Variants in ARB2A observed in about 807,000 individuals in gnomAD.
ARB2A encodes ARB2 cotranscriptional regulator A.
chr5:93,687,924 G>A, the ARB2A span, among the ~76,000 whole-genome samples: 6 of 151,740 alleles, frequency 4.0e-5, no homozygotes, highest in Non-Finnish European at 8.8e-5. Context: ...CCTACTTCCA[G>A]GCAAAACCAA....
chr5:93,811,520 C>T, the ARB2A span, among the ~76,000 whole-genome samples: 12 of 151,980 alleles, frequency 7.9e-5, no homozygotes, highest in African/African-American at 1.7e-4. Context: ...CCCTGAAATA[C>T]GTGAAAAACC....
At chr5:93,741,504 G>A in the ARB2A span, 11 of 1,611,390 alleles carry the variant, frequency 6.8e-6, no homozygotes, top group Non-Finnish European at 9.3e-6. Context: ...GCCCTCTGGG[G>A]CCGCCCCCAC....
At chr5:94,003,521 T>C in the ARB2A span, among the ~76,000 whole-genome samples, 4 of 152,088 alleles carry the variant, frequency 2.6e-5, no homozygotes, top group Non-Finnish European at 5.9e-5. Flanking sequence ...AAATGTAGGA[T>C]ACAAGATAAA....
At chr5:93,881,587 T>C in the ARB2A span, 29 of 1,610,974 alleles carry the variant, frequency 1.8e-5, no homozygotes, top group Non-Finnish European at 2.3e-5. Context: ...GTTTTTCTGC[T>C]GGTTCATCTG....
At chr5:93,733,482 AGCCACT>A in the ARB2A span, 1 of 152,296 alleles carries the variant, frequency 6.6e-6, no homozygotes, top group South Asian at 2.1e-4. Flanking sequence ...TACAGGAGTG[AGCCACT>A]GCACCTGGCT....
At chr5:93,943,649 T>C in the ARB2A span, among the ~76,000 whole-genome samples, 1 of 152,192 alleles carries the variant, frequency 6.6e-6, no homozygotes, top group Admixed American at 6.5e-5. Flanking sequence ...GTTTGTCAAA[T>C]ACTTATGCTG....
At chr5:93,705,982 G>A in the ARB2A span, among the ~76,000 whole-genome samples, 3 of 152,148 alleles carry the variant, frequency 2.0e-5, no homozygotes, top group East Asian at 5.8e-4. Flanking sequence ...AAAACAGATT[G>A]ATAATTCCTC....
the ARB2A span, chr5:93,738,538 A>G: frequency 4.6e-5 from 7 of 152,254 alleles, no homozygotes; most frequent in African/African-American, 1.7e-4. Flanking sequence ...CCCATTGGCT[A>G]TTAATGAAAA....
the ARB2A span, among the ~76,000 whole-genome samples, chr5:93,818,375 T>C: frequency 1.3e-5 from 2 of 152,202 alleles, no homozygotes; most frequent in Admixed American, 6.5e-5. Context: ...GAACTGTATA[T>C]TTTATTTAAA....
chr5:94,050,761 C>T, the ARB2A span: 1 of 1,611,728 alleles, frequency 6.2e-7, no homozygotes, highest in African/African-American at 1.3e-5. Context: ...TTTTCTGGTT[C>T]CATCTGTGTA....
the ARB2A span, among the ~76,000 whole-genome samples, chr5:94,004,027 C>T: frequency 6.6e-6 from 1 of 152,072 alleles, no homozygotes; most frequent in Admixed American, 6.5e-5. Flanking sequence ...AATTCAGAAG[C>T]AGACACACAT....
At chr5:94,111,374 G>T in the ARB2A span, 1 of 153,122 alleles carries the variant, frequency 6.5e-6, no homozygotes, top group South Asian at 1.9e-4. Context: ...GTGTCCGCAG[G>T]GAATGCAGCG....
the ARB2A span, among the ~76,000 whole-genome samples, chr5:94,046,125 T>C: frequency 6.6e-6 from 1 of 152,216 alleles, no homozygotes; most frequent in Non-Finnish European, 1.5e-5. Flanking sequence ...TAGTAGTTGG[T>C]TAAATTTCAC....
At chr5:93,642,868 C>T in the ARB2A span, among the ~76,000 whole-genome samples, 4 of 152,100 alleles carry the variant, frequency 2.6e-5, no homozygotes, top group Non-Finnish European at 5.9e-5. Context: ...TGATTTATCA[C>T]ATCTAGGTGA....
At chr5:94,084,339 T>A in the ARB2A span, among the ~76,000 whole-genome samples, 1 of 140,966 alleles carries the variant, frequency 7.1e-6, no homozygotes, top group Non-Finnish European at 1.6e-5. Context: ...TTAAAATAAA[T>A]CCAACAAAAG....
chr5:94,108,549 T>G, the ARB2A span, among the ~76,000 whole-genome samples: 1 of 152,054 alleles, frequency 6.6e-6, no homozygotes, highest in Non-Finnish European at 1.5e-5. Flanking sequence ...TTTTATTAAA[T>G]CATATCTTAA....
chr5:93,861,870 A>G, the ARB2A span: 1 of 152,210 alleles, frequency 6.6e-6, no homozygotes, highest in Admixed American at 6.5e-5. Flanking sequence ...ATTAGGCCAT[A>G]CAAAACAAAA....
chr5:93,822,525 A>T, the ARB2A span, among the ~76,000 whole-genome samples: 1 of 152,212 alleles, frequency 6.6e-6, no homozygotes, highest in Non-Finnish European at 1.5e-5. Flanking sequence ...ACTTTCAGAC[A>T]TATTTTAAGT....
At chr5:93,799,509 C>T in the ARB2A span, among the ~76,000 whole-genome samples, 1 of 152,050 alleles carries the variant, frequency 6.6e-6, no homozygotes, top group South Asian at 2.1e-4. Flanking sequence ...GTGTGATGTT[C>T]ATGTTATTCT....
Sources: allele counts gnomAD v4.1 joint callset (sites outside exome capture counted in the v4.1 genomes callset), GRCh38; gene constraint gnomAD v4.1.1; transcripts MANE v1.5; gene names NCBI Gene and HGNC (gene_info 2026-07-23, HGNC 2026-07-21).